PKDREJ: variants seen among roughly 807,000 people sequenced by gnomAD.
The protein encoded by PKDREJ is polycystin family receptor for egg jelly.
For synonymous variants in PKDREJ, 1,031 were observed against 1,095.5 expected (o/e 0.94, Z 1.16); for missense variants, 2,507 against 2,807.2 (o/e 0.89, Z 2.42).
Position 46,261,211 on chromosome 22 carries a change from TA to T in PKDREJ, c.2111del (p.Leu704TyrfsTer9), listed in dbSNP as rs764753288. ...CTATATACAGTAAGTAACCTGCAGGTAAAAAATCCTTCTTTTGAATCAAAGT... is the reference window on the plus strand; with the variant it reads ...CTATATACAGTAAGTAACCTGCAGGTAAAAATCCTTCTTTTGAATCAAAGT... The part of the protein sequence containing the change: ...LSTLIQKKDF[L>X]PAGYLLYIVA... On this transcript the variant is annotated frameshift_variant, in exon 1 of 1. Coordinates refer to ENST00000253255, the MANE Select transcript of PKDREJ (RefSeq NM_006071.2). LOFTEE classifies it low-confidence loss of function (END_TRUNC). This position sits in a 1 kb window ranked among gnomAD's most constrained non-coding sequence, Gnocchi z 7.1. The T allele has an allele frequency of 5.0e-6, 8 of 1,613,906 alleles. No individual in the cohort carries two copies. Among genetic ancestry groups the T allele is most frequent in the Non-Finnish European group, 6.8e-6 (8 of 1,179,988 alleles).
chr22:46,262,886 C>T lies in PKDREJ; in HGVS notation c.437G>A (p.Arg146Gln). Reference sequence around the variant, plus strand: ...GCGGGCGGCGCCGGGTCCGAGCAGCCGCAGGCGGAAGGCCCAGGCCAGGCG... The same window carrying T: ...GCGGGCGGCGCCGGGTCCGAGCAGCTGCAGGCGGAAGGCCCAGGCCAGGCG... ...PGRLAWAFRL[R>Q]LLGPGAARPA... The change falls in exon 1 of 1, where the codon CGG becomes CAG. Residue 146 changes from arginine to glutamine, a missense_variant. Coordinates refer to ENST00000253255, the MANE Select transcript of PKDREJ (RefSeq NM_006071.2). This position sits in a 1 kb window ranked among gnomAD's most constrained non-coding sequence, Gnocchi z 8.1. The T allele has an allele frequency of 3.7e-6, 4 of 1,079,416 alleles. No individual in the cohort carries two copies. The highest frequency in any genetic ancestry group is 4.5e-6 in the Non-Finnish European group (4 of 891,204). 66.9% of individuals were successfully genotyped at this position (1,079,416 alleles called of 1,614,324 possible).
At position 46,259,271 on chromosome 22, in the gene PKDREJ, C is replaced by T. The variant is rs759107087; in HGVS notation, c.4052G>A (p.Arg1351His). ...RTFHVTHPDE[R>H]LTRKDFFFID... Reference sequence around the variant, plus strand: ...AAAGAAAAAGTCTTTTCTAGTCAGACGCTCATCTGGATGGGTAACGTGAAA... The same window carrying T: ...AAAGAAAAAGTCTTTTCTAGTCAGATGCTCATCTGGATGGGTAACGTGAAA... Residue 1351 changes from arginine to histidine, a missense_variant, in exon 1 of 1, where the codon CGT (arginine) becomes CAT (histidine). By Grantham distance (29) the Arg-to-His change is conservative (BLOSUM62 0). Coordinates refer to ENST00000253255, the MANE Select transcript of PKDREJ (RefSeq NM_006071.2). This position sits in a 1 kb window ranked among gnomAD's most constrained non-coding sequence, Gnocchi z 6.8. 20 of 1,614,020 alleles carry T rather than the reference C, an allele frequency of 1.2e-5. No individual in the cohort carries two copies. Among genetic ancestry groups the T allele is most frequent in the Middle Eastern group, 1.6e-4 (1 of 6,084 alleles).
In PKDREJ at chr22:46,260,055, G is replaced by T; in HGVS notation, c.3268C>A (p.Leu1090Ile). 6.2e-7 allele frequency: 1 copy of T among 1,614,126 alleles called. No homozygotes were observed. The highest frequency in any genetic ancestry group is 1.1e-5 in the South Asian group (1 of 91,082). ...GAAATTCTCACTAGCTTGTCATTGA[G>T]CTTCATGACAAAACGAGGTGCCTGC... is the stretch of plus-strand genomic sequence containing the variant. ...VLQAPRFVMKLNDKLVRISIF... is the reference protein window; with the variant it reads ...VLQAPRFVMKINDKLVRISIF... The change falls in exon 1 of 1, where the codon CTC (leucine) becomes ATC (isoleucine). Residue 1090 changes from leucine (L) to isoleucine (I), a missense_variant. Leu to Ile is a conservative substitution (Grantham distance 5). Coordinates refer to ENST00000253255, the MANE Select transcript of PKDREJ (RefSeq NM_006071.2). The surrounding 1 kb of genome is among the most constrained non-coding windows in gnomAD (Gnocchi z 4.5).
rs1936693112 is a variant in PKDREJ, at chr22:46,261,243, G to A, written c.2080C>T (p.Leu694=). 3.1e-6 allele frequency: 5 copies of A among 1,613,854 alleles called. No homozygotes were observed. Among genetic ancestry groups the A allele is most frequent in the Non-Finnish European group, 3.4e-6 (4 of 1,179,914 alleles). The part of the protein sequence containing the change: ...LSFTVGPSSL[L]STLIQKKDFL... ...TCCTTCTTTTGAATCAAAGTAGACAGCAATGAACTTGGTCCCACGGTGAAA... is the reference window on the plus strand; with the variant it reads ...TCCTTCTTTTGAATCAAAGTAGACAACAATGAACTTGGTCCCACGGTGAAA... The change falls in exon 1 of 1, where the codon CTG becomes TTG. Residue 694 remains leucine, a synonymous_variant. Coordinates refer to ENST00000253255, the MANE Select transcript of PKDREJ (RefSeq NM_006071.2). This position sits in a 1 kb window ranked among gnomAD's most constrained non-coding sequence, Gnocchi z 7.1.
In PKDREJ at chr22:46,256,591, G is replaced by A. The variant is rs139590231; in HGVS notation, c.6732C>T (p.Asn2244=). The A allele has an allele frequency of 9.9e-5, 160 of 1,613,528 alleles. No homozygotes were observed. The African/African-American group carries it at 1.2e-3, about 12-fold the overall frequency. The change falls in exon 1 of 1, where the codon AAC becomes AAT. Residue 2244 remains asparagine, a synonymous_variant. Transcript: ENST00000253255. This position sits in a 1 kb window ranked among gnomAD's most constrained non-coding sequence, Gnocchi z 5.3. Reference sequence around the variant, plus strand: ...CAACAAGGTAAACCATTTTCTTCCCGTTGATGTTTCTGGTCTTCAGCCCCA... The same window carrying A: ...CAACAAGGTAAACCATTTTCTTCCCATTGATGTTTCTGGTCTTCAGCCCCA... ...RYLGLKTRNI[N]GKKMVYLVV is the part of the protein sequence containing the mutation.
rs556355685 is a variant in PKDREJ, at chr22:46,260,600, C to T, written c.2723G>A (p.Cys908Tyr). ...AGGAAAGAGGTCATTTGTGAAATCACAAAACATTGTAGAAATGGGACCATT... is the reference window on the plus strand; with the variant it reads ...AGGAAAGAGGTCATTTGTGAAATCATAAAACATTGTAGAAATGGGACCATT... ...SANGPISTMF[C>Y]DFTNDLFPWL... Residue 908 changes from cysteine to tyrosine, a missense_variant, in exon 1 of 1, where the codon TGT (cysteine) becomes TAT (tyrosine). Physicochemically the swap from Cys to Tyr is radical, Grantham distance 194. Transcript: ENST00000253255. The surrounding 1 kb of genome is among the most constrained non-coding windows in gnomAD (Gnocchi z 4.5). 6.2e-7 allele frequency: 1 copy of T among 1,614,150 alleles called. No homozygotes were observed. Among genetic ancestry groups the T allele is most frequent in the African/African-American group, 1.3e-5 (1 of 75,040 alleles).
At position 46,260,591 on chromosome 22, in the gene PKDREJ, G is replaced by A. The variant is rs746533970; in HGVS notation, c.2732C>T (p.Thr911Ile). 4.3e-6 allele frequency: 7 copies of A among 1,614,048 alleles called. No individual in the cohort carries two copies. The highest frequency in any genetic ancestry group is 5.9e-6 in the Non-Finnish European group (7 of 1,180,048). ...ATTTAACCAAGGAAAGAGGTCATTT[G>A]TGAAATCACAAAACATTGTAGAAAT... ...GPISTMFCDF[T>I]NDLFPWLNDQ... is the part of the protein sequence containing the mutation. The change falls in exon 1 of 1, where the codon ACA becomes ATA. Residue 911 changes from threonine to isoleucine, a missense_variant. Thr to Ile is a moderately conservative substitution (Grantham distance 89). Transcript: ENST00000253255. This position sits in a 1 kb window ranked among gnomAD's most constrained non-coding sequence, Gnocchi z 4.5.
In PKDREJ at chr22:46,261,960, T is replaced by C; in HGVS notation, c.1363A>G (p.Lys455Glu). 2 of 1,614,178 alleles carry C rather than the reference T, an allele frequency of 1.2e-6. No homozygotes were observed. The highest frequency in any genetic ancestry group is 1.7e-6 in the Non-Finnish European group (2 of 1,180,026). ...ATACATGTGATGTGTGCTATGGCTTTTGGTCCTTGGAGCACGTGGACCCTC... is the reference window on the plus strand; with the variant it reads ...ATACATGTGATGTGTGCTATGGCTTCTGGTCCTTGGAGCACGTGGACCCTC... ...DKRVHVLQGP[K>E]AIAHITCIEN... The change falls in exon 1 of 1, where the codon AAA (lysine) becomes GAA (glutamate). Residue 455 changes from lysine (K) to glutamate (E), a missense_variant. Lys to Glu is a moderately conservative substitution (Grantham distance 56). Transcript: ENST00000253255. The surrounding 1 kb of genome is among the most constrained non-coding windows in gnomAD (Gnocchi z 7.1).
rs1347698000 is a variant in PKDREJ at position 46,260,758 on chromosome 22, T to A, written c.2565A>T (p.Arg855Ser). The A allele has an allele frequency of 6.2e-7, 1 of 1,614,048 alleles. No homozygotes were observed. The highest frequency in any genetic ancestry group is 8.5e-7 in the Non-Finnish European group (1 of 1,179,992). The change falls in exon 1 of 1, where the codon AGA becomes AGT. Residue 855 changes from arginine to serine, a missense_variant. Arg to Ser is a moderately radical substitution (Grantham distance 110, BLOSUM62 -1). Coordinates refer to ENST00000253255, the MANE Select transcript of PKDREJ (RefSeq NM_006071.2). The surrounding 1 kb of genome is among the most constrained non-coding windows in gnomAD (Gnocchi z 4.5). ...TGACATACATGTTGAAATTGGGGGT[T>A]CTCATTGAGGTGGTTTTGTTCCCTG... ...KVPGNKTTSMRTPNFNMYVKK... is the reference protein window; with the variant it reads ...KVPGNKTTSMSTPNFNMYVKK...
chr22:46,261,763 C>T lies in PKDREJ; in HGVS notation c.1560G>A (p.Leu520=), dbSNP rs770855035. 6.2e-7 allele frequency: 1 copy of T among 1,614,002 alleles called. No individual in the cohort carries two copies. Among genetic ancestry groups the T allele is most frequent in the Non-Finnish European group, 8.5e-7 (1 of 1,180,026 alleles). ...ETVTGRNGAY[L]SIKAFAFRHF... is the part of the protein sequence containing the mutation. Reference sequence around the variant, plus strand: ...GCCGAAAAGCAAAAGCTTTTATAGACAGATAAGCACCATTCCTTCCTGTTA... The same window carrying T: ...GCCGAAAAGCAAAAGCTTTTATAGATAGATAAGCACCATTCCTTCCTGTTA... Residue 520 remains leucine, a synonymous_variant, in exon 1 of 1, where the codon CTG becomes CTA. Transcript: ENST00000253255. This position sits in a 1 kb window ranked among gnomAD's most constrained non-coding sequence, Gnocchi z 7.1.
Position 46,261,894 on chromosome 22 carries a change from A to G in PKDREJ, c.1429T>C (p.Ser477Pro), listed in dbSNP as rs866555400. ...CAATTTGTGCAATTTAGGAACAAAGAAAATCTATCAGAGACAATGAAGTTT... is the reference window on the plus strand; with the variant it reads ...CAATTTGTGCAATTTAGGAACAAAGGAAATCTATCAGAGACAATGAAGTTT... ...ERNFIVSDRF[S>P]LFLNCTNCAS... The change falls in exon 1 of 1, where the codon TCT becomes CCT. Residue 477 changes from serine (S) to proline (P), a missense_variant. Coordinates refer to ENST00000253255, the MANE Select transcript of PKDREJ (RefSeq NM_006071.2). This position sits in a 1 kb window ranked among gnomAD's most constrained non-coding sequence, Gnocchi z 7.1. 6.2e-7 allele frequency: 1 copy of G among 1,614,112 alleles called. No homozygotes were observed. Among genetic ancestry groups the G allele is most frequent in the Non-Finnish European group, 8.5e-7 (1 of 1,180,020 alleles).
rs754920977 is a variant in PKDREJ, at chr22:46,262,425, A to G, written c.898T>C (p.Trp300Arg). 3 of 1,611,102 alleles carry G rather than the reference A, an allele frequency of 1.9e-6. No homozygotes were observed. Among genetic ancestry groups the G allele is most frequent in the African/African-American group, 2.7e-5 (2 of 74,792 alleles). ...GTGAAATTAAACACATACACTCCCC[A>G]CTGTAACGAATTATTGGGGATGTGA... Reference protein sequence around the residue: ...FIHIPNNSLQWGVYVFNFTVS... With the variant: ...FIHIPNNSLQRGVYVFNFTVS... The change falls in exon 1 of 1, where the codon TGG (tryptophan) becomes CGG (arginine). Residue 300 changes from tryptophan (W) to arginine (R), a missense_variant. Trp to Arg is a moderately radical substitution (Grantham distance 101, BLOSUM62 -3). Coordinates refer to ENST00000253255, the MANE Select transcript of PKDREJ (RefSeq NM_006071.2). This position sits in a 1 kb window ranked among gnomAD's most constrained non-coding sequence, Gnocchi z 8.1.
Position 46,257,096 on chromosome 22 carries a change from C to T in PKDREJ, c.6227G>A (p.Arg2076His), listed in dbSNP as rs764879161. The T allele has an allele frequency of 3.9e-5, 63 of 1,613,776 alleles. No individual in the cohort carries two copies. Among genetic ancestry groups the T allele is most frequent in the African/African-American group, 9.3e-5 (7 of 74,910 alleles). ...LRYSRFFYDVRLAQRAIQAAL... is the reference protein window; with the variant it reads ...LRYSRFFYDVHLAQRAIQAAL... The stretch of plus-strand genomic sequence containing the variant: ...AGCCTGGATGGCCCTCTGAGCCAGG[C>T]GCACATCGTAGAAGAATCTGGAATA... The change falls in exon 1 of 1, where the codon CGC becomes CAC. Residue 2076 changes from arginine to histidine, a missense_variant. Arg to His is a conservative substitution (Grantham distance 29). Transcript: ENST00000253255. This position sits in a 1 kb window ranked among gnomAD's most constrained non-coding sequence, Gnocchi z 4.7.
At position 46,259,997 on chromosome 22, in the gene PKDREJ, C is replaced by T; in HGVS notation, c.3326G>A (p.Gly1109Glu). ...ACCCTCTCTCCATTCACTCTGGATCCCATACATGTCCAAGCACTGGACGCT... is the reference window on the plus strand; with the variant it reads ...ACCCTCTCTCCATTCACTCTGGATCTCATACATGTCCAAGCACTGGACGCT... ...IFSVQCLDMYGIQSEWREGYC... is the reference protein window; with the variant it reads ...IFSVQCLDMYEIQSEWREGYC... The change falls in exon 1 of 1, where the codon GGG becomes GAG. Residue 1109 changes from glycine (G) to glutamate (E), a missense_variant. By Grantham distance (98) the Gly-to-Glu change is moderately conservative (BLOSUM62 -2). Transcript: ENST00000253255. The surrounding 1 kb of genome is among the most constrained non-coding windows in gnomAD (Gnocchi z 6.8). 6.2e-7 allele frequency: 1 copy of T among 1,614,088 alleles called. No homozygotes were observed. The highest frequency in any genetic ancestry group is 8.5e-7 in the Non-Finnish European group (1 of 1,180,028).
In PKDREJ at chr22:46,260,155, G is replaced by A; in HGVS notation, c.3168C>T (p.Val1056=). 2 of 1,614,092 alleles carry A rather than the reference G, an allele frequency of 1.2e-6. No homozygotes were observed. The highest frequency in any genetic ancestry group is 4.5e-5 in the East Asian group (2 of 44,880). Residue 1056 remains valine, a synonymous_variant, in exon 1 of 1, where the codon GTC becomes GTT. Transcript: ENST00000253255. The surrounding 1 kb of genome is among the most constrained non-coding windows in gnomAD (Gnocchi z 4.5). ...GTTGCAGCAGGGACACAGGGAGGCAGACTACACGGGCCTTCTTCACTGTGC... is the reference window on the plus strand; with the variant it reads ...GTTGCAGCAGGGACACAGGGAGGCAAACTACACGGGCCTTCTTCACTGTGC... The part of the protein sequence containing the change: ...PACTVKKARV[V]CLPVSLLQLI...
At position 46,260,974 on chromosome 22, in the gene PKDREJ, T is replaced by C; in HGVS notation, c.2349A>G (p.Gln783=). The C allele has an allele frequency of 6.2e-7, 1 of 1,614,218 alleles. No homozygotes were observed. The highest frequency in any genetic ancestry group is 8.5e-7 in the Non-Finnish European group (1 of 1,180,024). ...GATACTCTTGTAGGGCTTGATTTGC[T>C]TGCCATACCCTCATGGTGGCACGTT... is the stretch of plus-strand genomic sequence containing the variant. The part of the protein sequence containing the change: ...AQKRATMRVW[Q]ANQALQEYQQ... Residue 783 remains glutamine, a synonymous_variant, in exon 1 of 1, where the codon CAA becomes CAG. Transcript: ENST00000253255. This position sits in a 1 kb window ranked among gnomAD's most constrained non-coding sequence, Gnocchi z 4.5.
rs192387611 is a variant in PKDREJ, at chr22:46,260,674, A to G, written c.2649T>C (p.Asn883=). ...QLFRNEKHCR[N]CFYPTLNVSS... is the part of the protein sequence containing the mutation. Reference sequence around the variant, plus strand: ...TCACATTGAGTGTTGGATAAAAACAATTTCTGCAGTGTTTCTCATTTCTGA... The same window carrying G: ...TCACATTGAGTGTTGGATAAAAACAGTTTCTGCAGTGTTTCTCATTTCTGA... The change falls in exon 1 of 1, where the codon AAT becomes AAC. Residue 883 remains asparagine, a synonymous_variant. Coordinates refer to ENST00000253255, the MANE Select transcript of PKDREJ (RefSeq NM_006071.2). The surrounding 1 kb of genome is among the most constrained non-coding windows in gnomAD (Gnocchi z 4.5). 4.3e-6 allele frequency: 7 copies of G among 1,614,124 alleles called. No homozygotes were observed. The Admixed American group carries it at 8.3e-5, about 19-fold the overall frequency.
At position 46,260,049 on chromosome 22, in the gene PKDREJ, C is replaced by G; in HGVS notation, c.3274G>C (p.Asp1092His). The change falls in exon 1 of 1, where the codon GAC becomes CAC. Residue 1092 changes from aspartate to histidine, a missense_variant. Asp to His is a moderately conservative substitution (Grantham distance 81). Transcript: ENST00000253255. This position sits in a 1 kb window ranked among gnomAD's most constrained non-coding sequence, Gnocchi z 4.5. The part of the protein sequence containing the change: ...QAPRFVMKLN[D>H]KLVRISIFSV... Reference sequence around the variant, plus strand: ...AAAATAGAAATTCTCACTAGCTTGTCATTGAGCTTCATGACAAAACGAGGT... The same window carrying G: ...AAAATAGAAATTCTCACTAGCTTGTGATTGAGCTTCATGACAAAACGAGGT... 6.2e-7 allele frequency: 1 copy of G among 1,614,100 alleles called. No homozygotes were observed. Among genetic ancestry groups the G allele is most frequent in the Non-Finnish European group, 8.5e-7 (1 of 1,180,006 alleles).
In PKDREJ at chr22:46,262,533, C is replaced by T. The variant is rs1277764626; in HGVS notation, c.790G>A (p.Val264Met). The change falls in exon 1 of 1, where the codon GTG becomes ATG. Residue 264 changes from valine to methionine, a missense_variant. Physicochemically the swap from Val to Met is conservative, Grantham distance 21 (BLOSUM62 1). Coordinates refer to ENST00000253255, the MANE Select transcript of PKDREJ (RefSeq NM_006071.2). The surrounding 1 kb of genome is among the most constrained non-coding windows in gnomAD (Gnocchi z 8.1). Reference sequence around the variant, plus strand: ...TCGGGCGCCTGACCCACGGCGGGCACGGAGAACACCTGCCAGTACTGGGCG... The same window carrying T: ...TCGGGCGCCTGACCCACGGCGGGCATGGAGAACACCTGCCAGTACTGGGCG... ...AIAQYWQVFS[V>M]PAVGQAPDWT... The T allele has an allele frequency of 6.3e-7, 1 of 1,588,686 alleles. No individual in the cohort carries two copies.
Sources: gnomAD v4.1 joint callset for allele counts on GRCh38, gnomAD v4.1.1 for gene constraint, Gnocchi (gnomAD v3.1) non-coding constraint, MANE v1.5 for transcripts, NCBI Gene and HGNC (gene_info 2026-07-23, HGNC 2026-07-21) for gene names.